RNF115: variants seen among roughly 807,000 people sequenced by gnomAD.
RNF115 encodes ring finger protein 115, also known as E3 ubiquitin-protein ligase RNF115.
Under a neutral mutation model 39.2 loss-of-function variants are expected in RNF115, and 31 were observed. The ratio of observed to expected loss-of-function variants is 0.79; its 90% CI spans 0.59 to 1.07. The LOEUF is 1.07. Among genes scored for constraint, RNF115 ranks in the 50% least tolerant of loss-of-function variants. RNF115 has a pLI of 0.00. For missense variants in RNF115, 384 were observed against 381.7 expected (o/e 1.01, Z -0.05); for synonymous variants, 124 against 131.0 (o/e 0.95, Z 0.37).
intron 1 of RNF115, among the ~76,000 whole-genome samples, chr1:145,807,450 TGATA>T (rs1204992113): frequency 1.9e-4 from 29 of 152,310 alleles, no homozygotes; most frequent in African/African-American, 6.5e-4. Context: ...CACCTGCACT[TGATA>T]GAGAATAATA....
chr1:145,813,223 C>T (rs587757523), intron 1 of RNF115, among the ~76,000 whole-genome samples: 269 of 151,268 alleles, frequency 1.8e-3, no homozygotes, highest in Middle Eastern at 3.4e-3. Flanking sequence ...TAAACTGAGA[C>T]GGTCAGATGA....
chr1:145,753,048 TTC>T lies in RNF115; in HGVS notation c.429-1_429del. On this transcript the variant is annotated splice_acceptor_variant and coding_sequence_variant, in exon 5 of 9. Coordinates refer to ENST00000582693, the MANE Select transcript of RNF115 (RefSeq NM_014455.4). LOFTEE classifies it high-confidence loss of function. ...AATCCTGCAAAGATGTGTTGTAGTA[TTC>T]TGTTACAGAAGAAAAAATTAGATAA... is the stretch of plus-strand genomic sequence containing the variant. 6.2e-7 allele frequency: 1 copy of T among 1,605,040 alleles called. No individual in the cohort carries two copies. Among genetic ancestry groups the T allele is most frequent in the African/African-American group, 1.3e-5 (1 of 74,840 alleles).
At chr1:145,755,610 G>A (rs1366526394) in intron 4 of RNF115, among the ~76,000 whole-genome samples, 2 of 152,034 alleles carry the variant, frequency 1.3e-5, no homozygotes, top group Admixed American at 6.5e-5. Context: ...TACAGATTTC[G>A]ATATCTGGAT....
intron 3 of RNF115, among the ~76,000 whole-genome samples, chr1:145,780,659 A>C (rs1170200122): frequency 1.3e-5 from 2 of 151,614 alleles, no homozygotes; most frequent in African/African-American, 4.8e-5. Flanking sequence ...CTCAAGATAC[A>C]TATTTTTAAA....
At chr1:145,767,945 CATCAGA>C (rs1414143315) in intron 4 of RNF115, among the ~76,000 whole-genome samples, 1 of 41,388 alleles carries the variant, frequency 2.4e-5, no homozygotes, top group East Asian at 7.2e-4. Flanking sequence ...TTCGGCTCGG[CATCAGA>C]GACAGAGAGA....
Position 145,748,895 on chromosome 1 carries a change from A to AT in RNF115, c.668-786_668-785insA, listed in dbSNP as rs1657977593. Among the ~76,000 whole-genome samples, 3 of 151,844 alleles carry AT rather than the reference A, an allele frequency of 2.0e-5. No homozygotes were observed. The South Asian group carries it at 6.2e-4, about 32-fold the overall frequency. On this transcript the variant is annotated intron_variant, in intron 7 of 8. Transcript: ENST00000582693. ...CAAGACTCTGTCTCAAAAAAAAAAA[A>AT]AATTATTAATAAAAGCTATACCAGA...
intron 3 of RNF115, among the ~76,000 whole-genome samples, chr1:145,779,948 C>T (rs1031576498): frequency 6.6e-6 from 1 of 151,876 alleles, no homozygotes; most frequent in Admixed American, 6.6e-5. Context: ...AAGCTTAGGC[C>T]CAGGCACGGT....
At chr1:145,781,868 AG>A (rs1648163366) in intron 3 of RNF115, among the ~76,000 whole-genome samples, 1 of 150,714 alleles carries the variant, frequency 6.6e-6, no homozygotes, top group Non-Finnish European at 1.5e-5. Flanking sequence ...CATATACCCC[AG>A]AATAAATTTA....
chr1:145,769,336 A>G (rs1553715423), intron 4 of RNF115, among the ~76,000 whole-genome samples: 1 of 152,164 alleles, frequency 6.6e-6, no homozygotes, highest in Non-Finnish European at 1.5e-5. Flanking sequence ...CATTTAGACT[A>G]GTTTCTGGCA....
chr1:145,784,475 A>G, intron 3 of RNF115, 64 bp downstream of exon 3: 1 of 1,392,358 alleles, frequency 7.2e-7, no homozygotes, highest in Non-Finnish European at 1.0e-6. Flanking sequence ...GAAAGTTAGT[A>G]TCTGCCATGA....
chr1:145,793,512 CTTT>C (rs1467857682), intron 1 of RNF115, among the ~76,000 whole-genome samples: 5 of 151,972 alleles, frequency 3.3e-5, no homozygotes, highest in African/African-American at 1.2e-4. Flanking sequence ...ATTCCTATTG[CTTT>C]AAATCTCTCT....
rs1194859080 is a variant in RNF115, at chr1:145,741,590, A to C, written c.*5276T>G. 8 of 152,288 alleles carry C rather than the reference A, an allele frequency of 5.3e-5. No homozygotes were observed. The highest frequency in any genetic ancestry group is 1.2e-4 in the Non-Finnish European group (8 of 68,052). The allele number at this position is 152,288 out of a possible 1,614,324, so 9.4% of individuals were successfully genotyped here. On this transcript the variant is annotated 3_prime_UTR_variant, in exon 9 of 9. Transcript: ENST00000582693. The stretch of plus-strand genomic sequence containing the variant: ...GCCACTTGTGATACTTACCCCATCA[A>C]AGTTTTCCTCCATCTTACTGTGACA...
At chr1:145,770,755 A>G (rs1376714003) in intron 4 of RNF115, among the ~76,000 whole-genome samples, 1 of 152,230 alleles carries the variant, frequency 6.6e-6, no homozygotes, top group African/African-American at 2.4e-5. Context: ...AGCATGAAGC[A>G]CAGTCCTCTG....
At chr1:145,771,986 G>T in intron 3 of RNF115, 67 bp from the exon 4 acceptor site, 4 of 1,280,450 alleles carry the variant, frequency 3.1e-6, no homozygotes, top group Non-Finnish European at 4.4e-6. Flanking sequence ...ATTGTTTACA[G>T]TTTTTTATAT....
intron 3 of RNF115, among the ~76,000 whole-genome samples, chr1:145,781,640 A>G (rs1380030418): frequency 1.3e-5 from 2 of 152,268 alleles, no homozygotes; most frequent in East Asian, 3.9e-4. Flanking sequence ...TAACATCCCT[A>G]TGAGGGAAGG....
At chr1:145,751,068 T>C (rs994310859) in intron 6 of RNF115, among the ~76,000 whole-genome samples, 1 of 152,236 alleles carries the variant, frequency 6.6e-6, no homozygotes, top group Non-Finnish European at 1.5e-5. Context: ...TCCCCTACTT[T>C]GCTCCATCTA....
intron 1 of RNF115, among the ~76,000 whole-genome samples, chr1:145,795,146 C>T (rs981024989): frequency 6.6e-6 from 1 of 151,702 alleles, no homozygotes; most frequent in Non-Finnish European, 1.5e-5. Context: ...CGCAGACCTT[C>T]GCAGGGAGTG....
chr1:145,801,393 C>T (rs1256018584), intron 1 of RNF115, among the ~76,000 whole-genome samples: 2 of 151,996 alleles, frequency 1.3e-5, no homozygotes, highest in Admixed American at 6.5e-5. Context: ...GGCAAAACCC[C>T]GTCTCTACTA....
chr1:145,743,278 G>C lies in RNF115; in HGVS notation c.*3588C>G, dbSNP rs1657740208. On this transcript the variant is annotated 3_prime_UTR_variant, in exon 9 of 9. Transcript: ENST00000582693. ...TCAGTTGAAGGTCTGAATAGAACAA[G>C]TAAGGGAGAAGTCCTCCTGCCTGAC... 1 of 152,210 alleles carries C rather than the reference G, an allele frequency of 6.6e-6. No homozygotes were observed. Among genetic ancestry groups the C allele is most frequent in the Admixed American group, 6.5e-5 (1 of 15,272 alleles). 9.4% of individuals were successfully genotyped at this position (152,210 alleles called of 1,614,324 possible). A position where few individuals can be genotyped will look rare whatever the true frequency, so the allele number is the denominator to read the frequency against.
Sources: gnomAD v4.1 joint callset for allele counts (sites outside exome capture counted in the v4.1 genomes callset) on GRCh38, gnomAD v4.1.1 for gene constraint, MANE v1.5 for transcripts, NCBI Gene and HGNC (gene_info 2026-07-23, HGNC 2026-07-21) for gene names.